ATP6V0D2: variants seen among roughly 807,000 people sequenced by gnomAD.
The protein encoded by ATP6V0D2 is ATPase H+ transporting V0 subunit d2, also known as V-type proton ATPase subunit d 2.
A neutral mutation model predicts 40.0 loss-of-function variants in ATP6V0D2; 40 were observed. That is an observed-to-expected ratio of 1.00 (90% CI 0.78 to 1.30). The LOEUF is 1.30. Among genes scored for constraint, ATP6V0D2 ranks in the 50% most tolerant of loss-of-function variants. ATP6V0D2 has a pLI of 0.00. For synonymous variants in ATP6V0D2, 179 were observed against 156.3 expected, an observed-to-expected ratio of 1.15 and a Z score of -1.08; for missense variants, 470 against 423.1, an observed-to-expected ratio of 1.11 and a Z score of -0.97.
rs371377117 is a variant in ATP6V0D2 at position 86,112,681 on chromosome 8, T to A, written c.131-1028T>A. Among the ~76,000 whole-genome samples the A allele has an allele frequency of 4.0e-5, 6 of 151,560 alleles. No homozygotes were observed. In the East Asian group the frequency reaches 9.7e-4, roughly 25 times the overall value. On this transcript the variant is annotated intron_variant, in intron 1 of 7. Coordinates refer to ENST00000285393, the MANE Select transcript of ATP6V0D2 (RefSeq NM_152565.1). Reference sequence around the variant, plus strand: ...AGGGGTGGGGGAAGAAATTCTAGAGTGGGGTTGGGTCAGCATTTACTGAAG... The same window carrying A: ...AGGGGTGGGGGAAGAAATTCTAGAGAGGGGTTGGGTCAGCATTTACTGAAG...
rs1330721686 is a variant in ATP6V0D2, at chr8:86,152,970, T to C, written c.1046T>C (p.Ile349Thr). ...HRTKINSYIP[I>T]L ...ACTAAAATCAACAGTTACATTCCAA[T>C]TTTATAACCCAAGTAAGGTTCTCAA... is the stretch of plus-strand genomic sequence containing the variant. The change falls in exon 8 of 8, where the codon ATT becomes ACT. Residue 349 changes from isoleucine (I) to threonine (T), a missense_variant. Ile to Thr is a moderately conservative substitution (Grantham distance 89). Coordinates refer to ENST00000285393, the MANE Select transcript of ATP6V0D2 (RefSeq NM_152565.1). The C allele has an allele frequency of 6.3e-7, 1 of 1,598,884 alleles. No individual in the cohort carries two copies. The highest frequency in any genetic ancestry group is 8.5e-7 in the Non-Finnish European group (1 of 1,174,898).
chr8:86,103,051 T>C (rs1002790146), intron 1 of ATP6V0D2, among the ~76,000 whole-genome samples: 1 of 152,140 alleles, frequency 6.6e-6, no homozygotes, highest in Non-Finnish European at 1.5e-5. Context: ...GTAAATAATC[T>C]TTTCTAAAAC....
At chr8:86,116,645 G>A (rs774588426) in intron 2 of ATP6V0D2, among the ~76,000 whole-genome samples, 12 of 151,738 alleles carry the variant, frequency 7.9e-5, no homozygotes, top group Non-Finnish European at 2.9e-5. Context: ...TATTTCCTAC[G>A]AGATTAGACG....
At chr8:86,112,404 G>A (rs966297628) in intron 1 of ATP6V0D2, among the ~76,000 whole-genome samples, 4 of 152,116 alleles carry the variant, frequency 2.6e-5, no homozygotes, top group South Asian at 4.1e-4. Flanking sequence ...GTTTATCTAC[G>A]TGAGATTTTT....
At chr8:86,116,503 G>A (rs1303483704) in intron 2 of ATP6V0D2, among the ~76,000 whole-genome samples, 1 of 152,104 alleles carries the variant, frequency 6.6e-6, no homozygotes, top group Non-Finnish European at 1.5e-5. Context: ...ATCATGCCTG[G>A]AAAACATCAT....
intron 7 of ATP6V0D2, among the ~76,000 whole-genome samples, chr8:86,152,451 G>T (rs536679908): frequency 6.6e-6 from 1 of 152,172 alleles, no homozygotes; most frequent in African/African-American, 2.4e-5. Context: ...TAATGGGATC[G>T]CTGGGTCAAA....
chr8:86,135,006 T>C (rs1015808161), intron 2 of ATP6V0D2, among the ~76,000 whole-genome samples: 16 of 149,768 alleles, frequency 1.1e-4, no homozygotes, highest in African/African-American at 3.7e-4. Flanking sequence ...GAGAACTGAT[T>C]CGCATTTTCT....
chr8:86,139,264 T>C (rs1170734243), intron 2 of ATP6V0D2, among the ~76,000 whole-genome samples, 193 bp from the exon 3 acceptor site: 4 of 151,980 alleles, frequency 2.6e-5, no homozygotes, highest in African/African-American at 9.7e-5. Context: ...ATATGCTTTT[T>C]CAATTTATGA....
intron 4 of ATP6V0D2, among the ~76,000 whole-genome samples, 160 bp from the exon 5 acceptor site, chr8:86,142,717 A>G (rs1818991852): frequency 6.6e-6 from 1 of 152,212 alleles, no homozygotes; most frequent in Non-Finnish European, 1.5e-5. Flanking sequence ...ACATGCTGCA[A>G]TGTGAAAGCT....
chr8:86,118,209 C>T (rs1283739228), intron 2 of ATP6V0D2, among the ~76,000 whole-genome samples: 2 of 147,088 alleles, frequency 1.4e-5, no homozygotes, highest in Admixed American at 6.9e-5. Flanking sequence ...TACAGGCGCA[C>T]GCCACCACGC....
Position 86,150,013 on chromosome 8 carries a change from G to C in ATP6V0D2, c.640-99G>C, listed in dbSNP as rs1435103733. On this transcript the variant is annotated intron_variant, in intron 5 of 7. Transcript: ENST00000285393. ...TATAATTAGACATAGATCCAGAAAG[G>C]AAAGCGAATCATTTCAGAAATGAAT... 5 of 1,157,912 alleles carry C rather than the reference G, an allele frequency of 4.3e-6. No individual in the cohort carries two copies. In the Admixed American group the frequency reaches 1.1e-4, roughly 25 times the overall value. The allele number at this position is 1,157,912 out of a possible 1,614,324, so 71.7% of individuals were successfully genotyped here. A position where few individuals can be genotyped will look rare whatever the true frequency, so the allele number is the denominator to read the frequency against.
chr8:86,144,259 A>G (rs1819017834), intron 5 of ATP6V0D2, among the ~76,000 whole-genome samples: 1 of 152,202 alleles, frequency 6.6e-6, no homozygotes, highest in Non-Finnish European at 1.5e-5. Context: ...TGCACTGAGT[A>G]TTTTACCTCC....
chr8:86,121,131 C>T (rs1818663400), intron 2 of ATP6V0D2, among the ~76,000 whole-genome samples: 1 of 152,184 alleles, frequency 6.6e-6, no homozygotes, highest in Non-Finnish European at 1.5e-5. Flanking sequence ...CATTATCTCC[C>T]TGTCAGAGAC....
At chr8:86,140,660 T>A (rs2626338) in intron 3 of ATP6V0D2, among the ~76,000 whole-genome samples, 65,515 of 151,704 alleles carry the variant, frequency 0.43, 15,930 homozygotes, top group Middle Eastern at 0.6. Context: ...AGCTCCAAGG[T>A]GTTGTGAAGA....
intron 2 of ATP6V0D2, among the ~76,000 whole-genome samples, chr8:86,127,207 C>G (rs574894300): frequency 1.3e-5 from 2 of 152,088 alleles, no homozygotes; most frequent in Admixed American, 1.3e-4. Flanking sequence ...GGAAATCACG[C>G]GATATGACAG....
chr8:86,101,227 G>A (rs985735538), intron 1 of ATP6V0D2, among the ~76,000 whole-genome samples: 1 of 151,666 alleles, frequency 6.6e-6, no homozygotes, highest in East Asian at 1.9e-4. Flanking sequence ...GAAAGGCCTA[G>A]GTGTGAGGAC....
At chr8:86,121,535 A>G (rs1818669316) in intron 2 of ATP6V0D2, among the ~76,000 whole-genome samples, 1 of 151,328 alleles carries the variant, frequency 6.6e-6, no homozygotes, top group Non-Finnish European at 1.5e-5. Context: ...GTGCCACTGC[A>G]CTCCAGCCTG....
intron 2 of ATP6V0D2, among the ~76,000 whole-genome samples, chr8:86,116,476 G>T (rs1336398564): frequency 3.3e-5 from 5 of 152,146 alleles, no homozygotes; most frequent in Admixed American, 6.5e-5. Context: ...AAAGTGCTGG[G>T]ATTATAGACG....
intron 5 of ATP6V0D2, among the ~76,000 whole-genome samples, chr8:86,148,127 T>A (rs2626342): frequency 0.86 from 130,675 of 151,832 alleles, 56,414 homozygotes; most frequent in Middle Eastern, 0.91. Flanking sequence ...TTTTAGAATC[T>A]GAGAGCACAT....
Sources: allele counts gnomAD v4.1 joint callset (sites outside exome capture counted in the v4.1 genomes callset), GRCh38; gene constraint gnomAD v4.1.1; transcripts MANE v1.5; gene names NCBI Gene and HGNC (gene_info 2026-07-23, HGNC 2026-07-21).